The following CSK variants were observed in gnomAD, a reference collection of about 807,000 sequenced individuals.
The protein encoded by CSK is tyrosine-protein kinase CSK.
CSK carries 7 observed loss-of-function variants against 62.3 expected under a neutral mutation model. The observed-to-expected ratio is 0.11, with a 90% CI of 0.06 to 0.21. The LOEUF is 0.21. Among genes scored for constraint, CSK ranks in the 10% least tolerant of loss-of-function variants. The pLI, the probability that CSK is intolerant of heterozygous loss-of-function variation, is 1.00. For missense variants in CSK, 294 were observed against 613.5 expected (o/e 0.48, Z 5.50); for synonymous variants, 237 against 246.0 (o/e 0.96, Z 0.34).
At position 74,798,292 on chromosome 15, in the gene CSK, GAGA is replaced by G; in HGVS notation, c.-2_1del. 1 of 1,569,824 alleles carries G rather than the reference GAGA, an allele frequency of 6.4e-7. No individual in the cohort carries two copies. Among genetic ancestry groups the G allele is most frequent in the Non-Finnish European group, 8.6e-7 (1 of 1,157,370 alleles). On this transcript the variant is annotated 5_prime_UTR_variant, in exon 2 of 13. Transcript: ENST00000220003. The surrounding 1 kb of genome is among the most constrained non-coding windows in gnomAD (Gnocchi z 6.6). ...GTGACTCGGGGACGCCAGAGCTCCTGAGAAGATGTCAGCAATACAGGTACCACA... is the reference window on the plus strand; with the variant it reads ...GTGACTCGGGGACGCCAGAGCTCCTGAGATGTCAGCAATACAGGTACCACA...
intron 1 of CSK, among the ~76,000 whole-genome samples, chr15:74,785,443 C>T (rs1341718550): frequency 6.6e-6 from 1 of 152,184 alleles, no homozygotes; most frequent in Non-Finnish European, 1.5e-5. Flanking sequence ...CAACTTGGCA[C>T]CCAACTGAAT....
At chr15:74,797,297 T>G (rs2063721170) in intron 1 of CSK, among the ~76,000 whole-genome samples, 2 of 152,214 alleles carry the variant, frequency 1.3e-5, no homozygotes, top group South Asian at 4.1e-4. Flanking sequence ...GACTGGCACC[T>G]GTAATCCCAG....
In CSK at chr15:74,802,029, C is replaced by T. The variant is rs375554302; in HGVS notation, c.1116C>T (p.Phe372=). The T allele has an allele frequency of 5.0e-5, 80 of 1,613,992 alleles. No individual in the cohort carries two copies. The highest frequency in any genetic ancestry group is 6.1e-5 in the Non-Finnish European group (72 of 1,180,020). Residue 372 remains phenylalanine, a synonymous_variant, in exon 12 of 13, where the codon TTC becomes TTT. Transcript: ENST00000220003. ...KFSTKSDVWS[F]GILLWEIYSF... is the part of the protein sequence containing the mutation. ...CCACTAAGTCTGACGTGTGGAGTTT[C>T]GGAATCCTTCTCTGGGAAATCTACT...
intron 9 of CSK, 61 bp downstream of exon 9, chr15:74,801,163 C>T (rs1459627877): frequency 3.8e-6 from 6 of 1,579,952 alleles, no homozygotes; most frequent in Non-Finnish European, 5.2e-6. Flanking sequence ...CCCCACTGTG[C>T]TCTAGGGCCC....
intron 1 of CSK, among the ~76,000 whole-genome samples, chr15:74,786,495 A>G (rs1483267627): frequency 6.6e-6 from 1 of 152,160 alleles, no homozygotes; most frequent in African/African-American, 2.4e-5. Flanking sequence ...CTGTTCCAGT[A>G]GCCAAGGAAG....
At chr15:74,785,425 G>A (rs2063500478) in intron 1 of CSK, among the ~76,000 whole-genome samples, 1 of 152,150 alleles carries the variant, frequency 6.6e-6, no homozygotes, top group East Asian at 1.9e-4. Context: ...GGTGTTGGAG[G>A]GCACAAGCAA....
chr15:74,787,124 C>T (rs747135317), intron 1 of CSK, among the ~76,000 whole-genome samples: 7 of 152,188 alleles, frequency 4.6e-5, no homozygotes, highest in Non-Finnish European at 7.3e-5. Context: ...CCCCAACGCC[C>T]GGCAGGGAGC....
Position 74,798,878 on chromosome 15 carries a change from C to A in CSK, c.182C>A (p.Pro61Gln). Residue 61 changes from proline (P) to glutamine (Q), a missense_variant, in exon 4 of 13, where the codon CCA (proline) becomes CAA (glutamine). Physicochemically the swap from Pro to Gln is moderately conservative, Grantham distance 76 (BLOSUM62 -1). This residue lies in a region of CSK where 202 missense variants were observed against 415.7 expected (regional missense o/e 0.49). Transcript: ENST00000220003. The surrounding 1 kb of genome is among the most constrained non-coding windows in gnomAD (Gnocchi z 6.6). ...AAGGTGGGCCGTGAGGGCATCATCCCAGCCAACTACGTCCAGAAGCGGGAG... is the reference window on the plus strand; with the variant it reads ...AAGGTGGGCCGTGAGGGCATCATCCAAGCCAACTACGTCCAGAAGCGGGAG... ...KNKVGREGII[P>Q]ANYVQKREGV... The A allele has an allele frequency of 6.4e-7, 1 of 1,555,986 alleles. No individual in the cohort carries two copies. Among genetic ancestry groups the A allele is most frequent in the South Asian group, 1.2e-5 (1 of 81,504 alleles).
intron 1 of CSK, among the ~76,000 whole-genome samples, chr15:74,791,142 CTCTG>C (rs2063614272): frequency 6.6e-6 from 1 of 152,150 alleles, no homozygotes; most frequent in Non-Finnish European, 1.5e-5. Context: ...TACCAGTTTC[CTCTG>C]TCTTTCCAAA....
intron 1 of CSK, among the ~76,000 whole-genome samples, chr15:74,786,003 T>TCTC (rs1555464579): frequency 1.1e-4 from 4 of 37,548 alleles, no homozygotes; most frequent in African/African-American, 3.2e-4. Flanking sequence ...TCTCTCTCTC[T>TCTC]TTTTTTTTTT....
At chr15:74,799,527 C>T (rs2063756994) in intron 5 of CSK, 36 bp downstream of exon 5, 2 of 1,591,740 alleles carry the variant, frequency 1.3e-6, no homozygotes, top group East Asian at 2.3e-5. Context: ...CTCCCACCCT[C>T]ACACACCCTA....
At chr15:74,801,137 C>A in intron 9 of CSK, 35 bp downstream of exon 9, 1 of 1,611,028 alleles carries the variant, frequency 6.2e-7, no homozygotes, top group Non-Finnish European at 8.5e-7. Context: ...CTCAGGCCTT[C>A]CAACTGCCCC....
rs763099021 is a variant in CSK at position 74,800,394 on chromosome 15, G to GC, written c.463-12dup. The stretch of plus-strand genomic sequence containing the variant: ...ACCTTGGGCTGTCTCTGAGCACCCT[G>GC]CCCCCCACACCCTGCAGCACTACAC... On this transcript the variant is annotated splice_polypyrimidine_tract_variant and intron_variant, in intron 5 of 12. Coordinates refer to ENST00000220003, the MANE Select transcript of CSK (RefSeq NM_004383.3). The GC allele has an allele frequency of 6.2e-6, 10 of 1,611,322 alleles. No homozygotes were observed. Among genetic ancestry groups the GC allele is most frequent in the Non-Finnish European group, 5.1e-6 (6 of 1,178,436 alleles).
rs1186650859 is a variant in CSK, at chr15:74,802,474, G to A, written c.1314G>A (p.Glu438=). Residue 438 remains glutamate (E), a synonymous_variant, in exon 13 of 13, where the codon GAG becomes GAA. Transcript: ENST00000220003. The stretch of plus-strand genomic sequence containing the variant: ...GGCCCTCCTTCCTACAGCTCCGAGA[G>A]CAGCTTGAGCACATCAAAACCCACG... ...AMRPSFLQLR[E]QLEHIKTHEL... is the part of the protein sequence containing the mutation. 13 of 1,612,874 alleles carry A rather than the reference G, an allele frequency of 8.1e-6. No individual in the cohort carries two copies. Among genetic ancestry groups the A allele is most frequent in the South Asian group, 1.1e-5 (1 of 91,022 alleles).
chr15:74,793,891 G>A (rs985351108), intron 1 of CSK, among the ~76,000 whole-genome samples: 1 of 152,044 alleles, frequency 6.6e-6, no homozygotes, highest in Non-Finnish European at 1.5e-5. Flanking sequence ...GCATGGGGAT[G>A]TGGAATGCTA....
intron 1 of CSK, among the ~76,000 whole-genome samples, chr15:74,787,674 C>T (rs185667022): frequency 6.6e-6 from 1 of 152,288 alleles, no homozygotes; most frequent in Admixed American, 6.5e-5. Context: ...TTCCCTCCAC[C>T]CCTCCTTCTG....
intron 1 of CSK, among the ~76,000 whole-genome samples, chr15:74,783,734 G>A (rs1241209782): frequency 6.6e-6 from 1 of 152,230 alleles, no homozygotes; most frequent in Non-Finnish European, 1.5e-5. Flanking sequence ...AGCAGGAGAT[G>A]TGGGGAATGT....
chr15:74,787,111 C>T (rs1280234053), intron 1 of CSK, among the ~76,000 whole-genome samples: 4 of 152,216 alleles, frequency 2.6e-5, no homozygotes, highest in African/African-American at 7.2e-5. Context: ...AGGAGCAGGC[C>T]ACCCCCAACG....
chr15:74,797,114 G>T (rs749979285), intron 1 of CSK, among the ~76,000 whole-genome samples: 1 of 151,888 alleles, frequency 6.6e-6, no homozygotes, highest in Non-Finnish European at 1.5e-5. Context: ...GCTAATTTTT[G>T]TATCTTTAGT....
Sources: allele counts gnomAD v4.1 joint callset (sites outside exome capture counted in the v4.1 genomes callset), GRCh38; gene constraint gnomAD v4.1.1; regional missense constraint gnomAD v4.1.1; non-coding constraint Gnocchi (gnomAD v3.1); transcripts MANE v1.5; gene names NCBI Gene and HGNC (gene_info 2026-07-23, HGNC 2026-07-21).